SPTA1: variants seen among roughly 807,000 people sequenced by gnomAD.
SPTA1 encodes spectrin alpha chain, erythrocytic 1.
In SPTA1, 177 loss-of-function variants were observed where a neutral mutation model predicts 324.7. The observed-to-expected ratio is 0.55, with a 90% CI of 0.48 to 0.62. The LOEUF (loss-of-function observed/expected upper bound fraction) is 0.62, where lower values mean the gene tolerates loss of function less well. Ranked by LOEUF, SPTA1 falls within the 20% of genes least tolerant of loss-of-function variation. SPTA1 has a pLI of 0.00. For missense variants in SPTA1, 3,162 were observed against 2,883.6 expected (o/e 1.10, Z -2.21); for synonymous variants, 1,195 against 1,041.3 (o/e 1.15, Z -2.84).
chr1:158,662,067 C>G (rs1247324398), intron 17 of SPTA1, among the ~76,000 whole-genome samples: 2 of 152,290 alleles, frequency 1.3e-5, no homozygotes, highest in South Asian at 2.1e-4. Context: ...TCAAAATATA[C>G]TCTCTAGAAA....
Position 158,683,425 on chromosome 1 carries a change from T to A in SPTA1, c.336A>T (p.Glu112Asp). The stretch of plus-strand genomic sequence containing the variant: ...TGGTAAATCGTTCTTCCCTTGTTTT[T>A]TCCAGTTCAGACATGAGTCTTGATT... The part of the protein sequence containing the change: ...QTKSRLMSEL[E>D]KTREERFTMG... The change falls in exon 3 of 52, where the codon GAA becomes GAT. Residue 112 changes from glutamate (E) to aspartate (D), a missense_variant. Glu to Asp is a conservative substitution (Grantham distance 45). Transcript: ENST00000643759. 1.2e-6 allele frequency: 2 copies of A among 1,613,484 alleles called. No individual in the cohort carries two copies. The highest frequency in any genetic ancestry group is 1.7e-6 in the Non-Finnish European group (2 of 1,179,558).
chr1:158,644,532 C>T, intron 29 of SPTA1, 136 bp from the exon 30 acceptor site: 1 of 994,342 alleles, frequency 1.0e-6, no homozygotes, highest in Non-Finnish European at 1.6e-6. Flanking sequence ...ACTCATGTGA[C>T]AAATCTTAGC....
intron 50 of SPTA1, 37 bp from the exon 51 acceptor site, chr1:158,612,998 A>G (rs368878523): frequency 7.6e-5 from 123 of 1,609,524 alleles, no homozygotes; most frequent in Non-Finnish European, 1.0e-4. Context: ...AGCCTTCTCA[A>G]GGCAGAGAAG....
intron 47 of SPTA1, among the ~76,000 whole-genome samples, chr1:158,617,141 A>C (rs980969488): frequency 5.9e-5 from 9 of 152,194 alleles, no homozygotes; most frequent in Non-Finnish European, 1.3e-4. Context: ...TACGTCATAT[A>C]ATAACAGAAA....
At position 158,682,807 on chromosome 1, in the gene SPTA1, A is replaced by G. The variant is rs940138705; in HGVS notation, c.390+564T>C. ...TTACAGAGTATGAATCCTTATTGAA[A>G]TAGTGATGATCTTCATTTCTAGATG... On this transcript the variant is annotated intron_variant, in intron 3 of 51. Transcript: ENST00000643759. 4.6e-5 allele frequency among the ~76,000 whole-genome samples: 7 copies of G among 152,304 alleles called. No individual in the cohort carries two copies. In the East Asian group the frequency reaches 7.7e-4, roughly 17 times the overall value.
chr1:158,613,963 T>G, intron 49 of SPTA1, 96 bp from the exon 50 acceptor site: 1 of 1,388,718 alleles, frequency 7.2e-7, no homozygotes, highest in Non-Finnish European at 9.9e-7. Flanking sequence ...AGCTGAAGCT[T>G]TATTGACCTG....
At chr1:158,617,440 A>T in intron 47 of SPTA1, 97 bp downstream of exon 47, 16 of 947,588 alleles carry the variant, frequency 1.7e-5, no homozygotes, top group Non-Finnish European at 2.7e-5. Context: ...CAGGTGATAC[A>T]TACCTAAAAG....
intron 42 of SPTA1, among the ~76,000 whole-genome samples, chr1:158,623,734 TA>T (rs1405170058): frequency 6.6e-6 from 1 of 152,240 alleles, no homozygotes; most frequent in Non-Finnish European, 1.5e-5. Flanking sequence ...CTATTCTTTA[TA>T]AATTACCCAG....
chr1:158,625,854 T>TA (rs575593769), intron 42 of SPTA1, among the ~76,000 whole-genome samples: 50 of 150,584 alleles, frequency 3.3e-4, no homozygotes, highest in African/African-American at 1.2e-3. Context: ...CCAAATAAAG[T>TA]AAAAAAAGAT....
At position 158,649,934 on chromosome 1, in the gene SPTA1, C is replaced by T. The variant is rs548028760; in HGVS notation, c.3491G>A (p.Arg1164His). 249 of 1,613,264 alleles carry T rather than the reference C, an allele frequency of 1.5e-4. 3 individuals are homozygous for T. In the South Asian group the frequency reaches 2.3e-3, roughly 15 times the overall value. Reference sequence around the variant, plus strand: ...TGCAAGCCTCTGCAAAGAACCCCAGCGGGAATTCAATTCCTAAAAGAGGCA... The same window carrying T: ...TGCAAGCCTCTGCAAAGAACCCCAGTGGGAATTCAATTCCTAAAAGAGGCA... Reference protein sequence around the residue: ...GAQIRQELNSRWGSLQRLADE... With the variant: ...GAQIRQELNSHWGSLQRLADE... The change falls in exon 25 of 52, where the codon CGC (arginine) becomes CAC (histidine). Residue 1164 changes from arginine (R) to histidine (H), a missense_variant. Physicochemically the swap from Arg to His is conservative, Grantham distance 29 (BLOSUM62 0). Transcript: ENST00000643759.
chr1:158,648,002 G>T (rs1050911987), intron 26 of SPTA1, among the ~76,000 whole-genome samples: 1 of 152,098 alleles, frequency 6.6e-6, no homozygotes, highest in African/African-American at 2.4e-5. Context: ...GAAACCCAAG[G>T]GTCTTGATTC....
At chr1:158,651,321 A>G (rs1652413697) in intron 24 of SPTA1, 46 bp downstream of exon 24, 1 of 1,367,174 alleles carries the variant, frequency 7.3e-7, no homozygotes, top group Non-Finnish European at 1.0e-6. Flanking sequence ...GAGGACTCCC[A>G]AAGCCCAACC....
chr1:158,636,787 G>A (rs777919453), intron 36 of SPTA1, 26 bp from the exon 37 acceptor site: 1 of 1,613,518 alleles, frequency 6.2e-7, no homozygotes, highest in South Asian at 1.1e-5. Flanking sequence ...AAAACAGAAA[G>A]TTTGGAGTCT....
intron 48 of SPTA1, chr1:158,614,629 C>T (rs559276829): frequency 7.6e-5 from 19 of 250,326 alleles, no homozygotes; most frequent in Admixed American, 3.0e-4. Context: ...CGGTCATTCA[C>T]TTATCATAGC....
At chr1:158,653,163 A>G (rs1263647501) in intron 22 of SPTA1, 111 bp downstream of exon 22, 3 of 1,512,526 alleles carry the variant, frequency 2.0e-6, no homozygotes. Flanking sequence ...TAAAATCTTC[A>G]GATTTTCTGT....
intron 24 of SPTA1, among the ~76,000 whole-genome samples, chr1:158,651,051 G>C (rs1652390041): frequency 1.3e-5 from 2 of 152,106 alleles, no homozygotes; most frequent in African/African-American, 4.8e-5. Context: ...GCCTTTTAAA[G>C]CTACATCTTA....
intron 18 of SPTA1, among the ~76,000 whole-genome samples, chr1:158,658,368 C>G (rs879579659): frequency 2.6e-5 from 4 of 152,044 alleles, no homozygotes; most frequent in Non-Finnish European, 5.9e-5. Context: ...AGAGAAGTTC[C>G]CTAGAGTATT....
At position 158,656,514 on chromosome 1, in the gene SPTA1, T is replaced by A. The variant is rs775779994; in HGVS notation, c.2898+50A>T. ...AAATCAGCAATAAAGACAATTTCTT[T>A]TTCTTTGTGGTGGGAAGTGTGAATC... On this transcript the variant is annotated intron_variant, in intron 20 of 51. Transcript: ENST00000643759. 6 of 1,533,570 alleles carry A rather than the reference T, an allele frequency of 3.9e-6. No homozygotes were observed. The East Asian group carries it at 1.4e-4, about 35-fold the overall frequency. The allele number at this position is 1,533,570 out of a possible 1,614,324, so 95.0% of individuals were successfully genotyped here.
rs1176028219 is a variant in SPTA1, at chr1:158,639,609, T to C, written c.4953A>G (p.Leu1651=). The change falls in exon 35 of 52, where the codon CTA becomes CTG. Residue 1651 remains leucine, a synonymous_variant. Transcript: ENST00000643759. ...CTCGAGCCAACATCTCTCTCTCCAATAGCTGATGCTTCTTGAGTAGGTTTC... is the reference window on the plus strand; with the variant it reads ...CTCGAGCCAACATCTCTCTCTCCAACAGCTGATGCTTCTTGAGTAGGTTTC... The part of the protein sequence containing the change: ...SAGNLLKKHQ[L]LEREMLARED... 5 of 1,613,820 alleles carry C rather than the reference T, an allele frequency of 3.1e-6. No homozygotes were observed. Among genetic ancestry groups the C allele is most frequent in the Admixed American group, 3.3e-5 (2 of 59,972 alleles).
Sources: gnomAD v4.1 joint callset for allele counts (sites outside exome capture counted in the v4.1 genomes callset) on GRCh38, gnomAD v4.1.1 for gene constraint, MANE v1.5 for transcripts, NCBI Gene and HGNC (gene_info 2026-07-23, HGNC 2026-07-21) for gene names.